The following EPHA4 variants were observed in gnomAD, a reference collection of about 807,000 sequenced individuals.
EPHA4 encodes the protein ephrin type-A receptor 4.
In EPHA4, 19 loss-of-function variants were observed where a neutral mutation model predicts 108.3. The observed-to-expected ratio is 0.18, with a 90% CI of 0.12 to 0.26. The LOEUF (loss-of-function observed/expected upper bound fraction) is 0.26. EPHA4 is among the 10% of genes least tolerant of loss of function. EPHA4 has a pLI of 1.00. For synonymous variants in EPHA4, 449 were observed against 455.5 expected, an observed-to-expected ratio of 0.99 and a Z score of 0.18; for missense variants, 917 against 1,254.0, an observed-to-expected ratio of 0.73 and a Z score of 4.06.
At chr2:221,537,470 G>A (rs1178391339) in intron 3 of EPHA4, among the ~76,000 whole-genome samples, 1 of 152,142 alleles carries the variant, frequency 6.6e-6, no homozygotes, top group Non-Finnish European at 1.5e-5. Context: ...GGACAAAATT[G>A]TTCAGAACTA....
At chr2:221,522,315 A>AGAGTC (rs1330696648) in intron 3 of EPHA4, among the ~76,000 whole-genome samples, 2 of 152,234 alleles carry the variant, frequency 1.3e-5, no homozygotes, top group Non-Finnish European at 2.9e-5. Context: ...GCTTGGAAAA[A>AGAGTC]GAGTCTTGGA....
chr2:221,495,531 C>A (rs1267985428), intron 4 of EPHA4, among the ~76,000 whole-genome samples: 1 of 152,168 alleles, frequency 6.6e-6, no homozygotes, highest in Non-Finnish European at 1.5e-5. Flanking sequence ...TCTAAACTCC[C>A]TGTTCTAAAT....
chr2:221,463,707 C>T (rs1691219266), intron 5 of EPHA4, among the ~76,000 whole-genome samples: 1 of 152,198 alleles, frequency 6.6e-6, no homozygotes, highest in Non-Finnish European at 1.5e-5. Flanking sequence ...TTCTTTTATT[C>T]ACTTCCTCAA....
At chr2:221,440,297 G>T (rs1690378594) in intron 11 of EPHA4, among the ~76,000 whole-genome samples, 1 of 152,160 alleles carries the variant, frequency 6.6e-6, no homozygotes, top group Non-Finnish European at 1.5e-5. Context: ...AGGCGCGGTG[G>T]GACTTTAATA....
intron 3 of EPHA4, among the ~76,000 whole-genome samples, chr2:221,538,103 T>C (rs1693725232): frequency 6.6e-6 from 1 of 152,140 alleles, no homozygotes; most frequent in Non-Finnish European, 1.5e-5. Context: ...AATGAGTAAT[T>C]TATTGAATTG....
At chr2:221,444,492 C>G (rs1277694293) in intron 9 of EPHA4, among the ~76,000 whole-genome samples, 9 of 152,134 alleles carry the variant, frequency 5.9e-5, no homozygotes, top group Admixed American at 5.9e-4. Flanking sequence ...AGGTCTTGTC[C>G]TCATCCCAGC....
At chr2:221,431,681 G>A (rs920011525) in intron 14 of EPHA4, among the ~76,000 whole-genome samples, 3 of 152,274 alleles carry the variant, frequency 2.0e-5, no homozygotes, top group East Asian at 1.9e-4. Context: ...ATTTTGCACT[G>A]AATTGAGGAG....
chr2:221,434,779 T>C (rs1268545423), intron 13 of EPHA4, among the ~76,000 whole-genome samples: 1 of 152,176 alleles, frequency 6.6e-6, no homozygotes, highest in Non-Finnish European at 1.5e-5. Flanking sequence ...ATGAGAAATA[T>C]GTCCAATAGC....
intron 5 of EPHA4, among the ~76,000 whole-genome samples, chr2:221,466,073 T>C (rs1462051745): frequency 6.6e-6 from 1 of 152,080 alleles, no homozygotes; most frequent in Non-Finnish European, 1.5e-5. Context: ...TGCCCTGAGG[T>C]CAGCAAAGCC....
At chr2:221,572,367 C>T, upstream of EPHA4, 3 of 864,794 alleles carry the variant, frequency 3.5e-6, no homozygotes, top group South Asian at 1.6e-5. Context: ...GTGACGTGAG[C>T]CCGCCAGTCC....
chr2:221,455,624 G>A lies in EPHA4; in HGVS notation c.1638C>T (p.Ser546=), dbSNP rs748569317. The change falls in exon 8 of 18, where the codon TCC becomes TCT. Residue 546 remains serine (S), a synonymous_variant. Transcript: ENST00000281821. ...PSRIIGDGAN[S]TVLLVSVSGS... is the part of the protein sequence containing the mutation. ...CCGAGACAGAGACCAGAAGGACTGT[G>A]GAGTTAGCCCCATCTCCAATGATCC... The A allele has an allele frequency of 1.2e-6, 2 of 1,613,882 alleles. No individual in the cohort carries two copies. The highest frequency in any genetic ancestry group is 2.2e-5 in the South Asian group (2 of 91,068).
intron 3 of EPHA4, among the ~76,000 whole-genome samples, chr2:221,523,959 G>T (rs1330853869): frequency 2.6e-5 from 4 of 152,036 alleles, no homozygotes; most frequent in Admixed American, 2.6e-4. Flanking sequence ...TTGTTAAATT[G>T]ATGGAAAAAG....
intron 3 of EPHA4, among the ~76,000 whole-genome samples, chr2:221,563,215 C>A (rs1325981834): frequency 6.6e-6 from 1 of 152,150 alleles, no homozygotes. Context: ...CTCCACCGGT[C>A]CACAAGGCAG....
At chr2:221,471,704 G>C (rs1691492184) in intron 5 of EPHA4, among the ~76,000 whole-genome samples, 1 of 152,030 alleles carries the variant, frequency 6.6e-6, no homozygotes, top group Admixed American at 6.6e-5. Flanking sequence ...TATATTACCA[G>C]CCCCTTGGAG....
At chr2:221,473,552 GAAAAAAAA>G (rs772366510) in intron 5 of EPHA4, among the ~76,000 whole-genome samples, 1 of 109,664 alleles carries the variant, frequency 9.1e-6, no homozygotes, top group African/African-American at 3.4e-5. Context: ...GTGTTTAAAG[GAAAAAAAA>G]AAAAAAAAAA....
intron 3 of EPHA4, among the ~76,000 whole-genome samples, chr2:221,515,029 A>T (rs1466471622): frequency 1.3e-5 from 2 of 152,226 alleles, no homozygotes; most frequent in African/African-American, 4.8e-5. Context: ...ACATTCAAAA[A>T]TGACTATAAA....
intron 8 of EPHA4, among the ~76,000 whole-genome samples, chr2:221,450,144 A>T (rs1198940398): frequency 1.3e-5 from 2 of 152,214 alleles, no homozygotes; most frequent in Non-Finnish European, 2.9e-5. Context: ...TCATTTTCAC[A>T]TGATTGTAAT....
intron 8 of EPHA4, among the ~76,000 whole-genome samples, chr2:221,446,494 A>G (rs938184390): frequency 2.0e-5 from 3 of 152,114 alleles, no homozygotes; most frequent in African/African-American, 7.2e-5. Context: ...CTTATTGAAG[A>G]TAAGTTTATT....
chr2:221,433,998 T>C (rs995364643), intron 14 of EPHA4, 144 bp downstream of exon 14: 1 of 734,386 alleles, frequency 1.4e-6, no homozygotes, highest in Non-Finnish European at 2.1e-6. Flanking sequence ...GTTGTAATGT[T>C]GAACTAGCTT....
Sources: allele counts gnomAD v4.1 joint callset (sites outside exome capture counted in the v4.1 genomes callset), GRCh38; gene constraint gnomAD v4.1.1; transcripts MANE v1.5; gene names NCBI Gene and HGNC (gene_info 2026-07-23, HGNC 2026-07-21).